The following NAV2 variants were observed in gnomAD, a reference collection of about 807,000 sequenced individuals.
The protein encoded by NAV2 is helicase, APC down-regulated 1.
A neutral mutation model predicts 223.2 loss-of-function variants in NAV2; 54 were observed. The ratio of observed to expected loss-of-function variants is 0.24; its 90% CI spans 0.19 to 0.30. The LOEUF is 0.30. Among genes scored for constraint, NAV2 ranks in the 10% least tolerant of loss-of-function variants. NAV2 has a pLI of 1.00. For synonymous variants in NAV2, 1,279 were observed against 1,239.3 expected (o/e 1.03, Z -0.67); for missense variants, 2,806 against 3,147.5 (o/e 0.89, Z 2.60).
At position 19,713,732 on chromosome 11, in the gene NAV2, G is replaced by A; in HGVS notation, c.37G>A (p.Gly13Arg). 6.3e-7 allele frequency: 1 copy of A among 1,596,488 alleles called. No individual in the cohort carries two copies. The highest frequency in any genetic ancestry group is 8.6e-7 in the Non-Finnish European group (1 of 1,168,080). Residue 13 changes from glycine to arginine, a missense_variant, in exon 1 of 38, where the codon GGA (glycine) becomes AGA (arginine). Around this residue, in one of 4 missense-constraint regions of NAV2, gnomAD observed 1,167 missense variants for 1,180.5 expected, o/e 0.99. Coordinates refer to ENST00000349880, the MANE Select transcript of NAV2 (RefSeq NM_145117.5). This position sits in a 1 kb window ranked among gnomAD's most constrained non-coding sequence, Gnocchi z 7.2. ...AILVASKMKS[G>R]LPKPVHSAAP... ...CCTGGTCGCCTCCAAAATGAAGTCG[G>A]GACTGCCCAAACCCGTGCACAGCGC...
intron 18 of NAV2, 28 bp downstream of exon 18, chr11:20,054,268 T>C: frequency 6.3e-7 from 1 of 1,589,282 alleles, no homozygotes; most frequent in East Asian, 2.2e-5. Flanking sequence ...ATTACCTATG[T>C]TGATCAGCTC....
chr11:20,068,039 C>T, intron 20 of NAV2, 147 bp from the exon 21 acceptor site: 1 of 736,238 alleles, frequency 1.4e-6, no homozygotes, highest in Non-Finnish European at 2.3e-6. Context: ...TTTAATTGAA[C>T]CAGTTTTTCC....
In NAV2 at chr11:20,119,085, C is replaced by A. The variant is rs1220970641; in HGVS notation, c.*827C>A. The A allele has an allele frequency of 2.1e-5, 3 of 142,282 alleles. No homozygotes were observed. The highest frequency in any genetic ancestry group is 2.3e-4 in the South Asian group (1 of 4,408). 8.8% of individuals were successfully genotyped at this position (142,282 alleles called of 1,614,324 possible). A position where few individuals can be genotyped will look rare whatever the true frequency, so the allele number is the denominator to read the frequency against. On this transcript the variant is annotated 3_prime_UTR_variant, in exon 38 of 38. Transcript: ENST00000349880. ...TCAGGTTTTTTTTTTTTTTTTTCTG[C>A]AAACACTGTGTATAGTGAGACTTGT...
chr11:19,412,793 T>A (rs1488365602), intron 1 of NAV2, among the ~76,000 whole-genome samples: 7 of 152,018 alleles, frequency 4.6e-5, no homozygotes, highest in Admixed American at 4.6e-4. Flanking sequence ...GGGTCTGGAG[T>A]GGACCTCCAG....
rs116791508 is a variant in NAV2 at position 19,431,662 on chromosome 11, T to C, written c.75+80635T>C. ...CCTTTGGAATTTACAGAGCAGAGAG[T>C]AACAAACAAACAAACAAATGCCTGG... On this transcript the variant is annotated intron_variant, in intron 1 of 37. Transcript: ENST00000360655. 4.6e-3 allele frequency among the ~76,000 whole-genome samples: 707 copies of C among 152,124 alleles called. 4 individuals are homozygous for C. Among genetic ancestry groups the C allele is most frequent in the African/African-American group, 0.016 (660 of 41,506 alleles).
intron 24 of NAV2, 65 bp from the exon 25 acceptor site, chr11:20,079,999 A>G (rs2059991157): frequency 6.3e-7 from 1 of 1,583,328 alleles, no homozygotes; most frequent in Non-Finnish European, 8.6e-7. Flanking sequence ...TTAAAGGGCA[A>G]AATCCTGAGA....
At chr11:20,043,921 G>A (rs2057196176) in intron 12 of NAV2, 60 bp from the exon 13 acceptor site, 3 of 1,557,346 alleles carry the variant, frequency 1.9e-6, no homozygotes, top group African/African-American at 2.7e-5. Flanking sequence ...TGCCTTTGGA[G>A]TGAGGGGCTT....
intron 31 of NAV2, among the ~76,000 whole-genome samples, chr11:20,100,296 C>T (rs571389223): frequency 6.6e-6 from 1 of 152,246 alleles, no homozygotes; most frequent in South Asian, 2.1e-4. Context: ...TGTTGAGGAC[C>T]AAGAGTCCCA....
chr11:19,836,558 T>C (rs1337168296), intron 2 of NAV2, among the ~76,000 whole-genome samples: 73 of 131,324 alleles, frequency 5.6e-4, no homozygotes, highest in Middle Eastern at 8.3e-3. Flanking sequence ...AGCGAGACTC[T>C]GTCTCAAAAA....
intron 35 of NAV2, among the ~76,000 whole-genome samples, chr11:20,106,054 G>T (rs1335535504): frequency 3.3e-5 from 5 of 150,042 alleles, no homozygotes; most frequent in African/African-American, 1.2e-4. Context: ...CTGAAAGCTG[G>T]ACATTTAGAA....
At position 19,933,889 on chromosome 11, in the gene NAV2, C is replaced by T; in HGVS notation, c.1645C>T (p.Leu549Phe). The change falls in exon 7 of 38, where the codon CTC (leucine) becomes TTC (phenylalanine). Residue 549 changes from leucine (L) to phenylalanine (F), a missense_variant. By Grantham distance (22) the Leu-to-Phe change is conservative. Transcript: ENST00000349880. The surrounding 1 kb of genome is among the most constrained non-coding windows in gnomAD (Gnocchi z 4.3). Reference protein sequence around the residue: ...IASFIPKGGKLNSAKKEPMAP... With the variant: ...IASFIPKGGKFNSAKKEPMAP... ...CAGCTTCATCCCCAAAGGGGGGAAG[C>T]TCAACAGTGCCAAGAAGGAGCCCAT... The T allele has an allele frequency of 6.3e-7, 1 of 1,593,902 alleles. No individual in the cohort carries two copies. Among genetic ancestry groups the T allele is most frequent in the Non-Finnish European group, 8.5e-7 (1 of 1,173,014 alleles).
At chr11:19,558,719 G>A (rs997639436) in intron 1 of NAV2, among the ~76,000 whole-genome samples, 1 of 152,146 alleles carries the variant, frequency 6.6e-6, no homozygotes. Flanking sequence ...CAAAACCTGG[G>A]GCTTCAATCC....
At chr11:20,080,570 A>AT (rs34881312) in intron 25 of NAV2, among the ~76,000 whole-genome samples, 133,864 of 152,084 alleles carry the variant, frequency 0.88, 59,025 homozygotes, top group East Asian at 0.95. Context: ...GATCCAAAAT[A>AT]TTTTTTTGAG....
intron 1 of NAV2, among the ~76,000 whole-genome samples, chr11:19,773,934 T>G (rs545783800): frequency 5.9e-5 from 9 of 152,342 alleles, no homozygotes; most frequent in Admixed American, 5.9e-4. Flanking sequence ...GGACAAATCA[T>G]TCCCCTATTT....
intron 1 of NAV2, among the ~76,000 whole-genome samples, chr11:19,641,038 G>T (rs1306363176): frequency 6.6e-6 from 1 of 152,174 alleles, no homozygotes; most frequent in African/African-American, 2.4e-5. Flanking sequence ...TTTTGGAGAG[G>T]CAGAGTTCAG....
chr11:19,588,953 G>A (rs1251079924), intron 1 of NAV2, among the ~76,000 whole-genome samples: 1 of 152,174 alleles, frequency 6.6e-6, no homozygotes, highest in Admixed American at 6.5e-5. Context: ...AGATGGCTGG[G>A]GTTCTCCTAG....
At chr11:19,689,991 AC>A (rs1228731110) in intron 1 of NAV2, among the ~76,000 whole-genome samples, 2 of 152,132 alleles carry the variant, frequency 1.3e-5, no homozygotes, top group East Asian at 3.8e-4. Context: ...ATTTTTTGAG[AC>A]AGAGTTTCGC....
At chr11:19,675,421 T>C (rs982116790) in intron 1 of NAV2, among the ~76,000 whole-genome samples, 1 of 152,176 alleles carries the variant, frequency 6.6e-6, no homozygotes, top group Non-Finnish European at 1.5e-5. Flanking sequence ...CACACACGCA[T>C]GCATACACTC....
rs141058022 is a variant in NAV2 at position 20,118,392 on chromosome 11, C to CG, written c.*135dup. On this transcript the variant is annotated 3_prime_UTR_variant, in exon 38 of 38. Coordinates refer to ENST00000349880, the MANE Select transcript of NAV2 (RefSeq NM_145117.5). ...GAGCTGCGGGAACACCGAGACCCCC[C>CG]GTCCTTCAGCCTCGACCTGGGTGCA... The CG allele has an allele frequency of 4.8e-3, 5,122 of 1,060,726 alleles. 24 individuals are homozygous for CG. Among genetic ancestry groups the CG allele is most frequent in the Non-Finnish European group, 6.2e-3 (4,514 of 730,182 alleles). The allele number at this position is 1,060,726 out of a possible 1,614,324, so 65.7% of individuals were successfully genotyped here. A position where few individuals can be genotyped will look rare whatever the true frequency, so the allele number is the denominator to read the frequency against.
Sources: allele counts gnomAD v4.1 joint callset (sites outside exome capture counted in the v4.1 genomes callset), GRCh38; gene constraint gnomAD v4.1.1; regional missense constraint gnomAD v4.1.1; non-coding constraint Gnocchi (gnomAD v3.1); transcripts MANE v1.5; gene names NCBI Gene and HGNC (gene_info 2026-07-23, HGNC 2026-07-21).